The following MYO9A variants were observed in gnomAD, a reference collection of about 807,000 sequenced individuals.
The protein encoded by MYO9A is myosin IXA, also known as unconventional myosin-IXa.
MYO9A carries 103 observed loss-of-function variants against 293.3 expected under a neutral mutation model. The ratio of observed to expected loss-of-function variants is 0.35; its 90% CI spans 0.30 to 0.41. The LOEUF (loss-of-function observed/expected upper bound fraction) is 0.41. Ranked by LOEUF, MYO9A falls within the 10% of genes least tolerant of loss-of-function variation. The probability of loss-of-function intolerance (pLI) is 1.00; values close to 1 mark genes in which losing one functional copy is unlikely to be tolerated. For synonymous variants in MYO9A, 1,001 were observed against 1,035.7 expected, an observed-to-expected ratio of 0.97 and a Z score of 0.64; for missense variants, 2,685 against 3,033.0, an observed-to-expected ratio of 0.89 and a Z score of 2.69.
chr15:71,850,276 C>T, intron 37 of MYO9A, 109 bp from the exon 38 acceptor site: 3 of 1,264,752 alleles, frequency 2.4e-6, no homozygotes, highest in Non-Finnish European at 3.4e-6. Flanking sequence ...ACATGAACTG[C>T]ATAGTACTAG....
chr15:71,950,762 C>A (rs2059030726), intron 15 of MYO9A, among the ~76,000 whole-genome samples: 2 of 152,206 alleles, frequency 1.3e-5, no homozygotes, highest in South Asian at 4.1e-4. Flanking sequence ...TACTTATATT[C>A]TCCTCTCACT....
intron 13 of MYO9A, among the ~76,000 whole-genome samples, chr15:71,966,508 T>C (rs1265504831): frequency 2.0e-5 from 3 of 152,080 alleles, no homozygotes; most frequent in African/African-American, 7.2e-5. Flanking sequence ...TAGTCTTAAT[T>C]TCTATTCTAA....
intron 2 of MYO9A, among the ~76,000 whole-genome samples, chr15:72,042,015 T>TA (rs61163353): frequency 0.23 from 29,857 of 131,744 alleles, 3,225 homozygotes; most frequent in East Asian, 0.43. Flanking sequence ...ACACTGACAG[T>TA]AAAAAAAAAA....
At chr15:72,061,090 G>C (rs1363660111) in intron 1 of MYO9A, among the ~76,000 whole-genome samples, 2 of 152,144 alleles carry the variant, frequency 1.3e-5, no homozygotes, top group East Asian at 3.9e-4. Flanking sequence ...AAAGGAACCA[G>C]CTGCTATGAA....
chr15:71,902,489 GAGA>G (rs2057513579), intron 22 of MYO9A, among the ~76,000 whole-genome samples: 1 of 152,080 alleles, frequency 6.6e-6, no homozygotes, highest in Non-Finnish European at 1.5e-5. Context: ...AGTAGTAATG[GAGA>G]AACAGAAAGC....
chr15:72,107,191 T>C (rs2080599545), intron 1 of MYO9A, among the ~76,000 whole-genome samples: 1 of 152,176 alleles, frequency 6.6e-6, no homozygotes, highest in Non-Finnish European at 1.5e-5. Context: ...TACTCCCTCC[T>C]GTCAAGAGCC....
In MYO9A at chr15:71,823,142, T is replaced by C. The variant is rs1386766391; in HGVS notation, c.*3438A>G. ...TGAGGAAAGCCATGGAGTGAGTATGTATGTTTCTTTTTAAAATGAAAACTC... is the reference window on the plus strand; with the variant it reads ...TGAGGAAAGCCATGGAGTGAGTATGCATGTTTCTTTTTAAAATGAAAACTC... On this transcript the variant is annotated 3_prime_UTR_variant, in exon 42 of 42. Transcript: ENST00000356056. The C allele has an allele frequency of 6.6e-6, 1 of 151,856 alleles. No individual in the cohort carries two copies. Among genetic ancestry groups the C allele is most frequent in the Non-Finnish European group, 1.5e-5 (1 of 67,972 alleles). The allele number at this position is 151,856 out of a possible 1,614,324, so 9.4% of individuals were successfully genotyped here. A position where few individuals can be genotyped will look rare whatever the true frequency, so the allele number is the denominator to read the frequency against.
At chr15:72,022,695 G>GCAC (rs1320119080) in intron 4 of MYO9A, among the ~76,000 whole-genome samples, 2 of 151,980 alleles carry the variant, frequency 1.3e-5, no homozygotes, top group African/African-American at 4.8e-5. Context: ...CCACAGGTGT[G>GCAC]CACCACCAAA....
chr15:72,065,477 T>C lies in MYO9A; in HGVS notation c.-71-18843A>G, dbSNP rs553844233. Among the ~76,000 whole-genome samples the C allele has an allele frequency of 3.5e-5, 5 of 143,500 alleles. No homozygotes were observed. The South Asian group carries it at 1.1e-3, about 31-fold the overall frequency. The allele number at this position is 143,500 out of a possible 152,430, so 94.1% of individuals were successfully genotyped here. A position where few individuals can be genotyped will look rare whatever the true frequency, so the allele number is the denominator to read the frequency against. On this transcript the variant is annotated intron_variant, in intron 1 of 41. Coordinates refer to ENST00000356056, the MANE Select transcript of MYO9A (RefSeq NM_006901.4). ...TTGCAGTGAGCTGAGATCACGCCACTGCACTCCACCCTGGGCAACAAGAGC... is the reference window on the plus strand; with the variant it reads ...TTGCAGTGAGCTGAGATCACGCCACCGCACTCCACCCTGGGCAACAAGAGC...
At chr15:71,885,353 A>G (rs893442739) in intron 27 of MYO9A, among the ~76,000 whole-genome samples, 2 of 152,112 alleles carry the variant, frequency 1.3e-5, no homozygotes, top group Admixed American at 6.6e-5. Context: ...TAAATAATCT[A>G]CTTTATTCTA....
In MYO9A at chr15:71,898,764, G is replaced by T; in HGVS notation, c.3739C>A (p.Gln1247Lys). ...CTCTCTCTTACAAGCACATCTTCCT[G>T]CAAGTCCACACCACTCTGGCTTTGG... ...RAQSQSGVDL[Q>K]EDVLVRERPR... The change falls in exon 25 of 42, where the codon CAG becomes AAG. Residue 1247 changes from glutamine to lysine, a missense_variant. Transcript: ENST00000356056. 1 of 1,614,058 alleles carries T rather than the reference G, an allele frequency of 6.2e-7. No homozygotes were observed. The highest frequency in any genetic ancestry group is 1.1e-5 in the South Asian group (1 of 91,072).
At chr15:72,049,089 G>A (rs1666552609) in intron 1 of MYO9A, among the ~76,000 whole-genome samples, 1 of 152,166 alleles carries the variant, frequency 6.6e-6, no homozygotes, top group Admixed American at 6.5e-5. Context: ...AGCATGAGAT[G>A]AGTTCATATA....
At position 71,825,120 on chromosome 15, in the gene MYO9A, AT is replaced by A. The variant is rs200286105; in HGVS notation, c.*1459del. On this transcript the variant is annotated 3_prime_UTR_variant, in exon 42 of 42. Coordinates refer to ENST00000356056, the MANE Select transcript of MYO9A (RefSeq NM_006901.4). ...ATCTCAAGAAAGGCTATCATGTTTC[AT>A]TTTTTATATATTATAAATAGCAAAA... is the stretch of plus-strand genomic sequence containing the variant. 9.3e-4 allele frequency: 142 copies of A among 152,330 alleles called. 2 individuals carry two copies. In the East Asian group the frequency reaches 0.022, roughly 23 times the overall value. 9.4% of individuals were successfully genotyped at this position (152,330 alleles called of 1,614,324 possible).
intron 32 of MYO9A, among the ~76,000 whole-genome samples, chr15:71,872,110 A>T (rs1048533658): frequency 2.0e-5 from 3 of 152,192 alleles, no homozygotes; most frequent in Admixed American, 2.0e-4. Flanking sequence ...AAACAGAACT[A>T]GACCAAGAAT....
chr15:71,974,787 A>G (rs141785074), intron 12 of MYO9A, among the ~76,000 whole-genome samples: 52 of 152,200 alleles, frequency 3.4e-4, no homozygotes, highest in Admixed American at 6.5e-4. Flanking sequence ...AATTTACCCT[A>G]TCTAAAGGGG....
rs1158678203 is a variant in MYO9A at position 71,826,009 on chromosome 15, G to GTTTTTTTT, written c.*563_*570dup. 5.1e-4 allele frequency: 33 copies of GTTTTTTTT among 64,156 alleles called. No homozygotes were observed. The highest frequency in any genetic ancestry group is 5.5e-4 in the African/African-American group (9 of 16,368). 4.0% of individuals were successfully genotyped at this position (64,156 alleles called of 1,614,324 possible). ...GGTTTTTTTTTGTTTTTTTTTTTTT[G>GTTTTTTTT]TTTTTTTTTTTTGTTTTTGCTTTCC... is the stretch of plus-strand genomic sequence containing the variant. On this transcript the variant is annotated 3_prime_UTR_variant, in exon 42 of 42. Transcript: ENST00000356056.
intron 1 of MYO9A, among the ~76,000 whole-genome samples, chr15:72,067,966 G>C (rs2079070853): frequency 6.6e-6 from 1 of 152,060 alleles, no homozygotes; most frequent in African/African-American, 2.4e-5. Flanking sequence ...ACAACACAAA[G>C]CAGAGTTTAA....
chr15:72,055,955 C>T (rs1165160658), intron 1 of MYO9A, among the ~76,000 whole-genome samples: 2 of 152,132 alleles, frequency 1.3e-5, no homozygotes, highest in African/African-American at 2.4e-5. Context: ...AGGGCAGGTG[C>T]GGTGGCTCAC....
intron 14 of MYO9A, among the ~76,000 whole-genome samples, chr15:71,956,413 T>C: frequency 7.1e-6 from 1 of 141,694 alleles, no homozygotes; most frequent in Non-Finnish European, 1.5e-5. Context: ...CCGAGGCAGG[T>C]GGGTCACCTG....
Sources: allele counts gnomAD v4.1 joint callset (sites outside exome capture counted in the v4.1 genomes callset), GRCh38; gene constraint gnomAD v4.1.1; transcripts MANE v1.5; gene names NCBI Gene and HGNC (gene_info 2026-07-23, HGNC 2026-07-21).